The following COL7A1 variants were observed in gnomAD, a reference collection of about 807,000 sequenced individuals.
The protein encoded by COL7A1 is collagen alpha-1(VII) chain.
Under a neutral mutation model 456.2 loss-of-function variants are expected in COL7A1, and 296 were observed. The ratio of observed to expected loss-of-function variants is 0.65; its 90% confidence interval spans 0.59 to 0.71. The LOEUF (loss-of-function observed/expected upper bound fraction) is 0.71. Among genes scored for constraint, COL7A1 ranks in the 30% least tolerant of loss-of-function variants. The probability of loss-of-function intolerance (pLI) is 0.00; values close to 1 mark genes in which losing one functional copy is unlikely to be tolerated. For missense variants in COL7A1, 3,441 were observed against 4,017.2 expected (o/e 0.86, Z 3.88); for synonymous variants, 1,464 against 1,525.9 (o/e 0.96, Z 0.95).
Position 48,576,746 on chromosome 3 carries a change from C to T in COL7A1, c.5630G>A (p.Arg1877His), listed in dbSNP as rs1458059470. The change falls in exon 68 of 119, where the codon CGT (arginine) becomes CAT (histidine). Residue 1877 changes from arginine to histidine, a missense_variant. This residue lies in a region of COL7A1 where 2,084 missense variants were observed against 2,501.3 expected (regional missense o/e 0.83). Coordinates refer to ENST00000681320, the MANE Select transcript of COL7A1 (RefSeq NM_000094.4). Reference protein sequence around the residue: ...REGRDGPKGERGAPGILGPQG... With the variant: ...REGRDGPKGEHGAPGILGPQG... ...GGGTCCAAGGATACCAGGAGCTCCA[C>T]GCTCACCCTTGGGGCCATCACGACC... 30 of 1,612,482 alleles carry T rather than the reference C, an allele frequency of 1.9e-5. No individual in the cohort carries two copies. Among genetic ancestry groups the T allele is most frequent in the Middle Eastern group, 3.3e-4 (2 of 6,084 alleles).
At position 48,572,503 on chromosome 3, in the gene COL7A1, C is replaced by A. The variant is rs933384009; in HGVS notation, c.6936G>T (p.Lys2312Asn). ...VVGLPGAKGE[K>N]GAPGGLAGDL... Reference sequence around the variant, plus strand: ...CACTGGCAGCCCCACACACACTCACCTTCTCTCCCTTTGCTCCAGGGAGCC... The same window carrying A: ...CACTGGCAGCCCCACACACACTCACATTCTCTCCCTTTGCTCCAGGGAGCC... Residue 2312 changes from lysine (K) to asparagine (N), a missense_variant and splice_region_variant, in exon 89 of 119, where the codon AAG becomes AAT. Physicochemically the swap from Lys to Asn is moderately conservative, Grantham distance 94. Coordinates refer to ENST00000681320, the MANE Select transcript of COL7A1 (RefSeq NM_000094.4). This position sits in a 1 kb window ranked among gnomAD's most constrained non-coding sequence, Gnocchi z 4.6. 5.0e-6 allele frequency: 8 copies of A among 1,613,938 alleles called. No homozygotes were observed. Among genetic ancestry groups the A allele is most frequent in the Non-Finnish European group, 5.9e-6 (7 of 1,179,938 alleles).
At position 48,572,213 on chromosome 3, in the gene COL7A1, G is replaced by A. The variant is rs779217841; in HGVS notation, c.6979-42C>T. ...GGAGGCAACACAGGCATCAGTCACA[G>A]AAAGATGAGACTCCGGAGGGAGGCA... On this transcript the variant is annotated intron_variant, in intron 90 of 118. Transcript: ENST00000681320. This position sits in a 1 kb window ranked among gnomAD's most constrained non-coding sequence, Gnocchi z 4.6. 6.2e-7 allele frequency: 1 copy of A among 1,613,854 alleles called. No individual in the cohort carries two copies. The highest frequency in any genetic ancestry group is 8.5e-7 in the Non-Finnish European group (1 of 1,179,922).
Position 48,567,305 on chromosome 3 carries a change from A to AGT in COL7A1, c.8047-116_8047-115insAC. On this transcript the variant is annotated intron_variant, in intron 109 of 118. Coordinates refer to ENST00000681320, the MANE Select transcript of COL7A1 (RefSeq NM_000094.4). This position sits in a 1 kb window ranked among gnomAD's most constrained non-coding sequence, Gnocchi z 4.3. ...TGCCCAAACCTTCTGTAACCCAAGC[A>AGT]CCTGTGAGCCAACCAGATGTGATCC... The AGT allele has an allele frequency of 7.5e-7, 1 of 1,325,052 alleles. No individual in the cohort carries two copies. 82.1% of individuals were successfully genotyped at this position (1,325,052 alleles called of 1,614,324 possible). A position where few individuals can be genotyped will look rare whatever the true frequency, so the allele number is the denominator to read the frequency against.
rs1040389136 is a variant in COL7A1 at position 48,589,796 on chromosome 3, G to C, written c.2051-78C>G. ...GCTATCTGATAGGGGAAGATGATGG[G>C]AGTCTAACAGGAGACGGGAATTTGA... On this transcript the variant is annotated intron_variant, in intron 16 of 118. Transcript: ENST00000681320. 5 of 1,600,050 alleles carry C rather than the reference G, an allele frequency of 3.1e-6. No individual in the cohort carries two copies. In the African/African-American group the frequency reaches 5.4e-5, roughly 17 times the overall value.
chr3:48,594,377 T>A lies in COL7A1; in HGVS notation c.257A>T (p.Asp86Val). ...GVRFATVQYS[D>V]DPRTEFGLDA... ...CAGGGCCCCTACTCACCGTGGGTCATCGCTGTACTGCACTGTGGCAAAGCG... is the reference window on the plus strand; with the variant it reads ...CAGGGCCCCTACTCACCGTGGGTCAACGCTGTACTGCACTGTGGCAAAGCG... Residue 86 changes from aspartate to valine, a missense_variant, in exon 3 of 119, where the codon GAT becomes GTT. Transcript: ENST00000681320. This position sits in a 1 kb window ranked among gnomAD's most constrained non-coding sequence, Gnocchi z 5.5. The A allele has an allele frequency of 1.2e-6, 2 of 1,610,538 alleles. No homozygotes were observed.
chr3:48,570,600 GA>G lies in COL7A1; in HGVS notation c.7344+38del, dbSNP rs756403965. On this transcript the variant is annotated intron_variant, in intron 96 of 118. Coordinates refer to ENST00000681320, the MANE Select transcript of COL7A1 (RefSeq NM_000094.4). This position sits in a 1 kb window ranked among gnomAD's most constrained non-coding sequence, Gnocchi z 5.5. Reference sequence around the variant, plus strand: ...CCATCCTAAGTCCTCACGAGGACAGGAAATCAAATACGTGGGGCTTTAGGGC... The same window carrying G: ...CCATCCTAAGTCCTCACGAGGACAGGAATCAAATACGTGGGGCTTTAGGGC... 1.2e-6 allele frequency: 2 copies of G among 1,612,398 alleles called. No individual in the cohort carries two copies. Among genetic ancestry groups the G allele is most frequent in the South Asian group, 1.1e-5 (1 of 90,936 alleles).
rs2045759456 is a variant in COL7A1 at position 48,592,274 on chromosome 3, G to A, written c.1094-26C>T. ...CTGCATGGGGGACACCAAGGGGCCA[G>A]TGGGCCTTGCAGACTCAGGACTCTA... On this transcript the variant is annotated intron_variant, in intron 9 of 118. Transcript: ENST00000681320. This position sits in a 1 kb window ranked among gnomAD's most constrained non-coding sequence, Gnocchi z 7.6. 1.9e-6 allele frequency: 3 copies of A among 1,613,860 alleles called. No individual in the cohort carries two copies. Among genetic ancestry groups the A allele is most frequent in the Non-Finnish European group, 2.5e-6 (3 of 1,180,000 alleles).
chr3:48,576,843 AG>A, intron 67 of COL7A1, 40 bp downstream of exon 67: 1 of 1,613,990 alleles, frequency 6.2e-7, no homozygotes, highest in Non-Finnish European at 8.5e-7. Context: ...CCCCAGGGTC[AG>A]GGTCAGGGGT....
Position 48,572,207 on chromosome 3 carries a change from G to T in COL7A1, c.6979-36C>A. 3 of 1,614,004 alleles carry T rather than the reference G, an allele frequency of 1.9e-6. No homozygotes were observed. Among genetic ancestry groups the T allele is most frequent in the Non-Finnish European group, 1.7e-6 (2 of 1,179,958 alleles). On this transcript the variant is annotated intron_variant, in intron 90 of 118. Transcript: ENST00000681320. This position sits in a 1 kb window ranked among gnomAD's most constrained non-coding sequence, Gnocchi z 4.6. ...AGGTCAGGAGGCAACACAGGCATCAGTCACAGAAAGATGAGACTCCGGAGG... is the reference window on the plus strand; with the variant it reads ...AGGTCAGGAGGCAACACAGGCATCATTCACAGAAAGATGAGACTCCGGAGG...
At position 48,588,727 on chromosome 3, in the gene COL7A1, G is replaced by A. The variant is rs1435865470; in HGVS notation, c.2502C>T (p.Leu834=). 9.3e-6 allele frequency: 15 copies of A among 1,613,762 alleles called. No homozygotes were observed. Among genetic ancestry groups the A allele is most frequent in the African/African-American group, 8.0e-5 (6 of 74,932 alleles). Residue 834 remains leucine, a synonymous_variant, in exon 20 of 119, where the codon CTC becomes CTT. Transcript: ENST00000681320. The surrounding 1 kb of genome is among the most constrained non-coding windows in gnomAD (Gnocchi z 4.6). ...GCACTGAGTAGCTGACTCCACCTTC[G>A]AGACCCCGGATCTCTGCAGAGTCTG... The part of the protein sequence containing the change: ...GNTDSAEIRG[L]EGGVSYSVRV...
At position 48,582,345 on chromosome 3, in the gene COL7A1, C is replaced by A. The variant is rs2229824; in HGVS notation, c.4613G>T (p.Arg1538Leu). The change falls in exon 47 of 119, where the codon CGC (arginine) becomes CTC (leucine). Residue 1538 changes from arginine to leucine, a missense_variant. Physicochemically the swap from Arg to Leu is moderately radical, Grantham distance 102. This residue lies in a region of COL7A1 where 2,084 missense variants were observed against 2,501.3 expected (regional missense o/e 0.83). Coordinates refer to ENST00000681320, the MANE Select transcript of COL7A1 (RefSeq NM_000094.4). ...CACCACCACTGCAGGGTCCCCAGGG[C>A]GACCAGGCTCCCCCTGTGGAGAGAG... is the stretch of plus-strand genomic sequence containing the variant. ...GRQGEKGEPG[R>L]PGDPAVVGPA... is the part of the protein sequence containing the mutation. The A allele has an allele frequency of 6.2e-7, 1 of 1,613,994 alleles. No homozygotes were observed.
Position 48,590,091 on chromosome 3 carries a change from G to T in COL7A1, c.2050+122C>A. 1 of 1,065,608 alleles carries T rather than the reference G, an allele frequency of 9.4e-7. No homozygotes were observed. The highest frequency in any genetic ancestry group is 1.4e-6 in the Non-Finnish European group (1 of 731,892). The allele number at this position is 1,065,608 out of a possible 1,614,324, so 66.0% of individuals were successfully genotyped here. ...GGAAGCAGCGTCTCTGAGGGAGGAGGGAGTGGGATTCTGAAGGGGGAGGCA... is the reference window on the plus strand; with the variant it reads ...GGAAGCAGCGTCTCTGAGGGAGGAGTGAGTGGGATTCTGAAGGGGGAGGCA... On this transcript the variant is annotated intron_variant, in intron 16 of 118. Coordinates refer to ENST00000681320, the MANE Select transcript of COL7A1 (RefSeq NM_000094.4). This position sits in a 1 kb window ranked among gnomAD's most constrained non-coding sequence, Gnocchi z 4.6.
chr3:48,584,662 A>G (rs2045090737), intron 35 of COL7A1, 72 bp downstream of exon 35: 1 of 1,612,802 alleles, frequency 6.2e-7, no homozygotes, highest in African/African-American at 1.3e-5. Flanking sequence ...TAGGCCCTGC[A>G]CAGGGTCTGG....
Position 48,564,296 on chromosome 3 carries a change from C to A in COL7A1, c.*110G>T, listed in dbSNP as rs1017873865. 2.3e-6 allele frequency: 3 copies of A among 1,313,028 alleles called. No individual in the cohort carries two copies. Among genetic ancestry groups the A allele is most frequent in the East Asian group, 4.7e-5 (2 of 42,714 alleles). The allele number at this position is 1,313,028 out of a possible 1,614,324, so 81.3% of individuals were successfully genotyped here. A position where few individuals can be genotyped will look rare whatever the true frequency, so the allele number is the denominator to read the frequency against. The stretch of plus-strand genomic sequence containing the variant: ...GTCACTGAAATAACGGACGTGCACA[C>A]GCACGCTCACGTGCACACAAGCCTC... On this transcript the variant is annotated 3_prime_UTR_variant, in exon 119 of 119. Transcript: ENST00000681320. This position sits in a 1 kb window ranked among gnomAD's most constrained non-coding sequence, Gnocchi z 6.0.
At position 48,593,605 on chromosome 3, in the gene COL7A1, CTG is replaced by C. The variant is rs1261268687; in HGVS notation, c.356_357del (p.Thr119ArgfsTer9). ...ELSYKGGNTR[T>X]GAAILHVADH... Reference sequence around the variant, plus strand: ...TCAGCCACATGGAGAATTGCAGCCCCTGTGCGAGTGTTGCCCCCCTTGTAGCT... The same window carrying C: ...TCAGCCACATGGAGAATTGCAGCCCCTGCGAGTGTTGCCCCCCTTGTAGCT... On this transcript the variant is annotated frameshift_variant, in exon 4 of 119. Coordinates refer to ENST00000681320, the MANE Select transcript of COL7A1 (RefSeq NM_000094.4). LOFTEE classifies it high-confidence loss of function. This position sits in a 1 kb window ranked among gnomAD's most constrained non-coding sequence, Gnocchi z 4.4. 6 of 1,614,236 alleles carry C rather than the reference CTG, an allele frequency of 3.7e-6. No individual in the cohort carries two copies. The highest frequency in any genetic ancestry group is 5.1e-6 in the Non-Finnish European group (6 of 1,180,040).
In COL7A1 at chr3:48,578,500, G is replaced by A. The variant is rs778035441; in HGVS notation, c.5440C>T (p.Arg1814Cys). ...GGGCCAGGGAGGCCCTGTTCTCCAC[G>A]GAGGCCTGGAAGCCCCTGGAAAAAG... ...DPGRDGLPGLRGEQGLPGPSG... is the reference protein window; with the variant it reads ...DPGRDGLPGLCGEQGLPGPSG... The change falls in exon 64 of 119, where the codon CGT becomes TGT. Residue 1814 changes from arginine to cysteine, a missense_variant. Around this residue, in one of 3 missense-constraint regions of COL7A1, gnomAD observed 2,084 missense variants for 2,501.3 expected, o/e 0.83. Transcript: ENST00000681320. The surrounding 1 kb of genome is among the most constrained non-coding windows in gnomAD (Gnocchi z 4.7). 17 of 1,612,316 alleles carry A rather than the reference G, an allele frequency of 1.1e-5. No homozygotes were observed. Among genetic ancestry groups the A allele is most frequent in the Admixed American group, 5.0e-5 (3 of 60,026 alleles).
rs529108629 is a variant in COL7A1, at chr3:48,593,346, C to T, written c.520+10G>A. On this transcript the variant is annotated intron_variant, in intron 5 of 118. Coordinates refer to ENST00000681320, the MANE Select transcript of COL7A1 (RefSeq NM_000094.4). The surrounding 1 kb of genome is among the most constrained non-coding windows in gnomAD (Gnocchi z 4.4). ...CCCCAGCTGACCTGTCACTCCTGCT[C>T]GGTCCTTACCCACAGCAAATAGCTT... 1.4e-5 allele frequency: 23 copies of T among 1,614,022 alleles called. No individual in the cohort carries two copies. The highest frequency in any genetic ancestry group is 2.2e-5 in the East Asian group (1 of 44,872).
chr3:48,575,952 C>G lies in COL7A1; in HGVS notation c.5821-50G>C, dbSNP rs1463354643. Reference sequence around the variant, plus strand: ...GCTGCCCATGACAGAGAAGCTCCTGCCTTCTGCCCCGCACGGCCTCAGGAA... The same window carrying G: ...GCTGCCCATGACAGAGAAGCTCCTGGCTTCTGCCCCGCACGGCCTCAGGAA... On this transcript the variant is annotated intron_variant, in intron 71 of 118. Coordinates refer to ENST00000681320, the MANE Select transcript of COL7A1 (RefSeq NM_000094.4). This position sits in a 1 kb window ranked among gnomAD's most constrained non-coding sequence, Gnocchi z 6.3. 6.2e-7 allele frequency: 1 copy of G among 1,613,864 alleles called. No homozygotes were observed. Among genetic ancestry groups the G allele is most frequent in the Non-Finnish European group, 8.5e-7 (1 of 1,179,824 alleles).
Position 48,581,623 on chromosome 3 carries a change from C to T in COL7A1, c.4732G>A (p.Gly1578Ser), listed in dbSNP as rs1161630178. Residue 1578 changes from glycine to serine, a missense_variant, in exon 50 of 119, where the codon GGC (glycine) becomes AGC (serine). By Grantham distance (56) the Gly-to-Ser change is moderately conservative. Transcript: ENST00000681320. The surrounding 1 kb of genome is among the most constrained non-coding windows in gnomAD (Gnocchi z 5.8). ...CCAGGGTCTCCAGGAAGAACCAAGCCGGGTGGGCCCTGTGGATGGAAGGAT... is the reference window on the plus strand; with the variant it reads ...CCAGGGTCTCCAGGAAGAACCAAGCTGGGTGGGCCCTGTGGATGGAAGGAT... Reference protein sequence around the residue: ...TGVQGERGPPGLVLPGDPGPK... With the variant: ...TGVQGERGPPSLVLPGDPGPK... 1.1e-5 allele frequency: 18 copies of T among 1,614,200 alleles called. No individual in the cohort carries two copies. Among genetic ancestry groups the T allele is most frequent in the East Asian group, 2.2e-5 (1 of 44,888 alleles).
Sources: gnomAD v4.1 joint callset for allele counts on GRCh38, gnomAD v4.1.1 for gene constraint, gnomAD v4.1.1 regional missense constraint, Gnocchi (gnomAD v3.1) non-coding constraint, MANE v1.5 for transcripts, NCBI Gene and HGNC (gene_info 2026-07-23, HGNC 2026-07-21) for gene names.